ECH1: variants seen among roughly 807,000 people sequenced by gnomAD.
ECH1 encodes delta(3,5)-Delta(2,4)-dienoyl-CoA isomerase, mitochondrial.
A neutral mutation model predicts 37.0 loss-of-function variants in ECH1; 30 were observed. The observed-to-expected ratio is 0.81, with a 90% CI of 0.61 to 1.10. The LOEUF (loss-of-function observed/expected upper bound fraction) is 1.10, where lower values mean the gene tolerates loss of function less well. Among genes scored for constraint, ECH1 ranks in the 50% least tolerant of loss-of-function variants. The pLI is 0.00. For synonymous variants in ECH1, 178 were observed against 176.0 expected (o/e 1.01, Z -0.09); for missense variants, 456 against 441.6 (o/e 1.03, Z -0.29).
chr19:38,817,774 T>C (rs1193623125), intron 3 of ECH1, 199 bp from the exon 4 acceptor site: 1 of 983,718 alleles, frequency 1.0e-6, no homozygotes, highest in African/African-American at 1.7e-5. Flanking sequence ...GTGGAGTCAT[T>C]ACTCACAGAA....
chr19:38,831,159 C>T lies in ECH1; in HGVS notation c.268G>A (p.Val90Ile). 6.2e-7 allele frequency: 1 copy of T among 1,614,112 alleles called. No individual in the cohort carries two copies. Among genetic ancestry groups the T allele is most frequent in the Non-Finnish European group, 8.5e-7 (1 of 1,180,026 alleles). ...CTCGAAATCTTGTTGAAGCACTCTA[C>T]CATCTCTCTGTGAAGCAACGAGTGA... is the stretch of plus-strand genomic sequence containing the variant. ...AMNKVFWREM[V>I]ECFNKISRDA... Residue 90 changes from valine (V) to isoleucine (I), a missense_variant, in exon 3 of 10, where the codon GTA (valine) becomes ATA (isoleucine). Transcript: ENST00000221418.
chr19:38,817,387 G>T, intron 4 of ECH1, 23 bp from the exon 5 acceptor site: 1 of 1,604,362 alleles, frequency 6.2e-7, no homozygotes, highest in Non-Finnish European at 8.5e-7. Flanking sequence ...AGGAAGAGTG[G>T]GGTCAGGGCT....
intron 3 of ECH1, among the ~76,000 whole-genome samples, chr19:38,828,298 G>A (rs943263635): frequency 2.6e-5 from 4 of 151,602 alleles, no homozygotes; most frequent in Non-Finnish European, 5.9e-5. Flanking sequence ...ATGGCGTGAT[G>A]TAGGCTCACT....
At chr19:38,827,082 G>A (rs1195989623) in intron 3 of ECH1, among the ~76,000 whole-genome samples, 1 of 138,590 alleles carries the variant, frequency 7.2e-6, no homozygotes, top group South Asian at 2.5e-4. Flanking sequence ...GAAGGGAGGA[G>A]AGGGAGGGAG....
In ECH1 at chr19:38,831,732, A is replaced by ACT; in HGVS notation, c.40_41insAG (p.Leu14GlnfsTer3). 1 of 1,613,626 alleles carries ACT rather than the reference A, an allele frequency of 6.2e-7. No homozygotes were observed. Among genetic ancestry groups the ACT allele is most frequent in the Non-Finnish European group, 8.5e-7 (1 of 1,179,908 alleles). ...AAGAGGTGACTCACGCCGGGTCAGT[A>ACT]GGTCGCGGAGTCTGCGAGAAGCCAC... On this transcript the variant is annotated frameshift_variant, in exon 1 of 10. Transcript: ENST00000221418. LOFTEE classifies it high-confidence loss of function.
chr19:38,830,650 C>CAA lies in ECH1; in HGVS notation c.349+426_349+427dup, dbSNP rs55649550. ...GGGTGACAGAGAAAGATATTGTCTC[C>CAA]AAAAAAAAAAAAAAAAACACACAGA... On this transcript the variant is annotated intron_variant, in intron 3 of 9. Coordinates refer to ENST00000221418, the MANE Select transcript of ECH1 (RefSeq NM_001398.3). Among the ~76,000 whole-genome samples the CAA allele has an allele frequency of 3.1e-3, 236 of 75,354 alleles. 2 individuals are homozygous for CAA. Among genetic ancestry groups the CAA allele is most frequent in the African/African-American group, 9.9e-3 (216 of 21,900 alleles). The allele number at this position is 75,354 out of a possible 152,430, so 49.4% of individuals were successfully genotyped here. A position where few individuals can be genotyped will look rare whatever the true frequency, so the allele number is the denominator to read the frequency against.
At chr19:38,821,831 CT>C (rs1971667845) in intron 3 of ECH1, among the ~76,000 whole-genome samples, 1 of 152,258 alleles carries the variant, frequency 6.6e-6, no homozygotes, top group African/African-American at 2.4e-5. Flanking sequence ...GCGCCACCCC[CT>C]GCTCGGCGGC....
At chr19:38,818,923 G>A (rs1971618181) in intron 3 of ECH1, among the ~76,000 whole-genome samples, 1 of 136,126 alleles carries the variant, frequency 7.3e-6, no homozygotes, top group Non-Finnish European at 1.6e-5. Flanking sequence ...GTGTGTGTGT[G>A]TGTGTGTGTG....
At position 38,815,851 on chromosome 19, in the gene ECH1, C is replaced by G. The variant is rs763300655; in HGVS notation, c.882+6G>C. 1 of 1,614,120 alleles carries G rather than the reference C, an allele frequency of 6.2e-7. No homozygotes were observed. The highest frequency in any genetic ancestry group is 1.1e-5 in the South Asian group (1 of 91,078). On this transcript the variant is annotated splice_donor_region_variant and intron_variant, in intron 9 of 9. Coordinates refer to ENST00000221418, the MANE Select transcript of ECH1 (RefSeq NM_001398.3). ...GGGCTGTGATTGGTCGGAGCGTGCA[C>G]CTTACCACGTAGTTGAGGCTCTCGG...
Position 38,817,490 on chromosome 19 carries a change from G to A in ECH1, c.435C>T (p.Ile145=). The A allele has an allele frequency of 1.2e-6, 2 of 1,613,924 alleles. No individual in the cohort carries two copies. Among genetic ancestry groups the A allele is most frequent in the South Asian group, 1.1e-5 (1 of 91,000 alleles). ...TGAAGGTCTCCTGGTATCGAGTGATGATGTCACGGAGGTACCAGCTGATCC... is the reference window on the plus strand; with the variant it reads ...TGAAGGTCTCCTGGTATCGAGTGATAATGTCACGGAGGTACCAGCTGATCC... ...VARISWYLRD[I]ITRYQETFNV... Residue 145 remains isoleucine, a synonymous_variant, in exon 4 of 10, where the codon ATC becomes ATT. Transcript: ENST00000221418.
chr19:38,818,724 G>A (rs1240801324), intron 3 of ECH1, among the ~76,000 whole-genome samples: 2 of 152,160 alleles, frequency 1.3e-5, no homozygotes, highest in Non-Finnish European at 2.9e-5. Context: ...CTGACCTTGT[G>A]ATCCACCCAC....
intron 8 of ECH1, 133 bp from the exon 9 acceptor site, chr19:38,816,140 C>G: frequency 1.4e-6 from 2 of 1,470,726 alleles, no homozygotes; most frequent in Non-Finnish European, 1.8e-6. Context: ...GAGCAGGGGG[C>G]TGACCCCACA....
At chr19:38,831,242 C>T in intron 2 of ECH1, 67 bp downstream of exon 2, 1 of 1,610,292 alleles carries the variant, frequency 6.2e-7, no homozygotes, top group Non-Finnish European at 8.5e-7. Context: ...CACAACGTTC[C>T]ACTTTCACCC....
At chr19:38,822,539 T>C (rs1354329264) in intron 3 of ECH1, among the ~76,000 whole-genome samples, 4 of 147,364 alleles carry the variant, frequency 2.7e-5, no homozygotes, top group Admixed American at 2.0e-4. Context: ...GGATTGTAAA[T>C]ACACCAATCA....
intron 2 of ECH1, 38 bp from the exon 3 acceptor site, chr19:38,831,204 G>C: frequency 6.2e-7 from 1 of 1,612,060 alleles, no homozygotes. Context: ...AATGGGGCGG[G>C]AATACCCTGC....
At chr19:38,829,713 G>C (rs1356255116) in intron 3 of ECH1, among the ~76,000 whole-genome samples, 2 of 151,250 alleles carry the variant, frequency 1.3e-5, no homozygotes, top group East Asian at 1.9e-4. Flanking sequence ...GTACTCGGGA[G>C]GCTGAGGCAG....
intron 3 of ECH1, among the ~76,000 whole-genome samples, chr19:38,825,556 T>C (rs1971726967): frequency 6.6e-6 from 1 of 152,126 alleles, no homozygotes; most frequent in South Asian, 2.1e-4. Context: ...TTTGGAGGCA[T>C]TATCAAAACC....
At chr19:38,824,225 T>G (rs1971705899) in intron 3 of ECH1, among the ~76,000 whole-genome samples, 1 of 152,190 alleles carries the variant, frequency 6.6e-6, no homozygotes, top group South Asian at 2.1e-4. Context: ...AGGAGAATGC[T>G]TAGAACTCTA....
chr19:38,816,119 C>A, intron 8 of ECH1, 112 bp from the exon 9 acceptor site: 1 of 1,509,852 alleles, frequency 6.6e-7, no homozygotes, highest in Non-Finnish European at 8.9e-7. Context: ...CCCAGAGAAA[C>A]AGCCCAATCA....
Sources: gnomAD v4.1 joint callset for allele counts (sites outside exome capture counted in the v4.1 genomes callset) on GRCh38, gnomAD v4.1.1 for gene constraint, MANE v1.5 for transcripts, NCBI Gene and HGNC (gene_info 2026-07-23, HGNC 2026-07-21) for gene names.